RBM19: variants seen among roughly 807,000 people sequenced by gnomAD.
RBM19 encodes the protein RNA binding motif protein 19, also known as probable RNA-binding protein 19.
Under a neutral mutation model 116.8 loss-of-function variants are expected in RBM19, and 94 were observed. The observed-to-expected ratio is 0.80, with a 90% CI of 0.68 to 0.95. RBM19 has a LOEUF of 0.95. Among genes scored for constraint, RBM19 ranks in the 40% least tolerant of loss-of-function variants. The pLI, the probability that RBM19 is intolerant of heterozygous loss-of-function variation, is 0.00. For synonymous variants in RBM19, 475 were observed against 494.1 expected (o/e 0.96, Z 0.51); for missense variants, 1,161 against 1,220.7 (o/e 0.95, Z 0.73).
chr12:113,957,816 G>A lies in RBM19; in HGVS notation c.806C>T (p.Ala269Val), dbSNP rs1401286229. ...KGAGQEQGMP[A>V]GKKRPPEARA... The stretch of plus-strand genomic sequence containing the variant: ...GGCCTCCGGTGGTCTCTTTTTCCCA[G>A]CTGGCATCCCTTGCTCTTGGCCTGC... Residue 269 changes from alanine (A) to valine (V), a missense_variant, in exon 6 of 24, where the codon GCT becomes GTT. Transcript: ENST00000261741. The A allele has an allele frequency of 6.2e-7, 1 of 1,605,668 alleles. No individual in the cohort carries two copies. The highest frequency in any genetic ancestry group is 8.5e-7 in the Non-Finnish European group (1 of 1,175,506).
At chr12:113,867,882 T>C (rs1163361668) in intron 21 of RBM19, among the ~76,000 whole-genome samples, 1 of 152,102 alleles carries the variant, frequency 6.6e-6, no homozygotes, top group East Asian at 1.9e-4. Context: ...AGAGCCGAGA[T>C]TGCACCACTG....
intron 18 of RBM19, among the ~76,000 whole-genome samples, chr12:113,921,820 G>A (rs145785803): frequency 1.1e-4 from 17 of 152,330 alleles, no homozygotes; most frequent in African/African-American, 4.1e-4. Context: ...AGGCAACTGT[G>A]AGAAGGTCAA....
chr12:113,866,331 A>T (rs1878806620), intron 21 of RBM19, among the ~76,000 whole-genome samples: 1 of 152,104 alleles, frequency 6.6e-6, no homozygotes, highest in Non-Finnish European at 1.5e-5. Flanking sequence ...GGTGTGGAGG[A>T]GGGCCTTTAG....
At chr12:113,909,805 A>G (rs913446682) in intron 21 of RBM19, among the ~76,000 whole-genome samples, 15 of 152,164 alleles carry the variant, frequency 9.9e-5, no homozygotes, top group African/African-American at 3.6e-4. Flanking sequence ...GACGTGGCAG[A>G]CCACCAGAAG....
chr12:113,924,593 G>C lies in RBM19; in HGVS notation c.2305+104C>G, dbSNP rs1021040636. ...AGAAAAAAGAGAACCTTCAAAATGT[G>C]CAAGGGAGAACTACCCCAACCCCTT... On this transcript the variant is annotated intron_variant, in intron 18 of 23. Coordinates refer to ENST00000261741, the MANE Select transcript of RBM19 (RefSeq NM_016196.4). 2.7e-5 allele frequency: 27 copies of C among 1,002,900 alleles called. No individual in the cohort carries two copies. In the African/African-American group the frequency reaches 3.7e-4, roughly 14 times the overall value. 62.1% of individuals were successfully genotyped at this position (1,002,900 alleles called of 1,614,324 possible).
At chr12:113,914,902 T>A in intron 21 of RBM19, 67 bp downstream of exon 21, 1 of 1,399,794 alleles carries the variant, frequency 7.1e-7, no homozygotes, top group Non-Finnish European at 1.0e-6. Context: ...AAAGGCCATC[T>A]TCCCTGAGAC....
intron 20 of RBM19, among the ~76,000 whole-genome samples, chr12:113,916,719 C>T (rs1223481121): frequency 2.0e-5 from 3 of 152,208 alleles, no homozygotes; most frequent in African/African-American, 7.2e-5. Context: ...AGGTGAGGAA[C>T]TGAGGACCCC....
chr12:113,856,845 C>A (rs907308324), intron 22 of RBM19, among the ~76,000 whole-genome samples: 1 of 152,182 alleles, frequency 6.6e-6, no homozygotes, highest in East Asian at 1.9e-4. Context: ...CCAAACCTCA[C>A]AATGACTCTA....
chr12:113,915,687 G>A (rs1882730453), intron 20 of RBM19, among the ~76,000 whole-genome samples: 1 of 152,166 alleles, frequency 6.6e-6, no homozygotes, highest in Non-Finnish European at 1.5e-5. Context: ...CCGACACTTA[G>A]GATCTCTGCG....
intron 23 of RBM19, among the ~76,000 whole-genome samples, chr12:113,823,682 A>G (rs929532202): frequency 6.6e-6 from 1 of 152,038 alleles, no homozygotes; most frequent in African/African-American, 2.4e-5. Flanking sequence ...TCCCCTCCCC[A>G]TCTTCTACCC....
intron 22 of RBM19, among the ~76,000 whole-genome samples, chr12:113,845,458 T>C (rs1173222414): frequency 6.6e-6 from 1 of 152,228 alleles, no homozygotes; most frequent in Non-Finnish European, 1.5e-5. Context: ...ACAGCTATAC[T>C]GAGACAGAAT....
intron 22 of RBM19, among the ~76,000 whole-genome samples, chr12:113,845,757 G>A (rs990364870): frequency 1.3e-5 from 2 of 152,158 alleles, no homozygotes; most frequent in African/African-American, 2.4e-5. Context: ...GCACAGGGAC[G>A]CCCTAACTTG....
chr12:113,918,978 T>C (rs916684858), intron 19 of RBM19, among the ~76,000 whole-genome samples: 1 of 152,146 alleles, frequency 6.6e-6, no homozygotes, highest in African/African-American at 2.4e-5. Flanking sequence ...AATATTCACA[T>C]ATGCATGCAC....
In RBM19 at chr12:113,942,429, G is replaced by A. The variant is rs1870660448; in HGVS notation, c.1632C>T (p.Thr544=). 1 of 1,604,372 alleles carries A rather than the reference G, an allele frequency of 6.2e-7. No individual in the cohort carries two copies. Among genetic ancestry groups the A allele is most frequent in the African/African-American group, 1.3e-5 (1 of 74,808 alleles). The change falls in exon 14 of 24, where the codon ACC becomes ACT. Residue 544 remains threonine, a synonymous_variant. Transcript: ENST00000261741. ...CCACGCGCACGGCCACGCTGCCCTTGGTCTCCTGTGGAAGAGGAAAGGAAG... is the reference window on the plus strand; with the variant it reads ...CCACGCGCACGGCCACGCTGCCCTTAGTCTCCTGTGGAAGAGGAAAGGAAG... ...ATKSQVFDHE[T]KGSVAVRVAL...
intron 20 of RBM19, among the ~76,000 whole-genome samples, chr12:113,917,984 A>G (rs1882876028): frequency 6.6e-6 from 1 of 152,210 alleles, no homozygotes; most frequent in South Asian, 2.1e-4. Context: ...GCTCTAAGAA[A>G]GCACGTCCCA....
chr12:113,951,340 G>A (rs1228179968), intron 8 of RBM19, among the ~76,000 whole-genome samples: 1 of 152,086 alleles, frequency 6.6e-6, no homozygotes, highest in Admixed American at 6.6e-5. Context: ...ACTCAGATAT[G>A]TTTCTTCCTG....
intron 22 of RBM19, among the ~76,000 whole-genome samples, chr12:113,855,084 C>G (rs1273167597): frequency 1.3e-5 from 2 of 152,174 alleles, no homozygotes. Context: ...TCACAGAGCC[C>G]TCGAGGATAT....
intron 18 of RBM19, among the ~76,000 whole-genome samples, chr12:113,921,628 A>T (rs1339589303): frequency 6.6e-6 from 1 of 152,180 alleles, no homozygotes; most frequent in Non-Finnish European, 1.5e-5. Flanking sequence ...AAGGAATTCC[A>T]TTAATTGCCC....
intron 6 of RBM19, among the ~76,000 whole-genome samples, chr12:113,956,146 C>T (rs1190738977): frequency 1.3e-5 from 2 of 152,110 alleles, no homozygotes; most frequent in African/African-American, 4.8e-5. Context: ...ACTCTACTAC[C>T]TCACTGAAAT....
Sources: allele counts gnomAD v4.1 joint callset (sites outside exome capture counted in the v4.1 genomes callset), GRCh38; gene constraint gnomAD v4.1.1; transcripts MANE v1.5; gene names NCBI Gene and HGNC (gene_info 2026-07-23, HGNC 2026-07-21).